CD44: variants seen among roughly 807,000 people sequenced by gnomAD.
The protein encoded by CD44 is CD44 molecule (IN blood group), also known as CD44 antigen.
In CD44, 49 loss-of-function variants were observed where a neutral mutation model predicts 88.8. The observed-to-expected ratio is 0.55, with a 90% CI of 0.44 to 0.70. The LOEUF (loss-of-function observed/expected upper bound fraction) is 0.70. Ranked by LOEUF, CD44 falls within the 30% of genes least tolerant of loss-of-function variation. CD44 has a pLI of 0.00. For missense variants in CD44, 883 were observed against 913.8 expected (o/e 0.97, Z 0.43); for synonymous variants, 325 against 312.3 (o/e 1.04, Z -0.43).
At chr11:35,181,964 T>C (rs1945162346) in intron 3 of CD44, among the ~76,000 whole-genome samples, 1 of 106,242 alleles carries the variant, frequency 9.4e-6, no homozygotes, top group Non-Finnish European at 1.8e-5. Flanking sequence ...AAATTTTATA[T>C]ATATAAATAT....
intron 1 of CD44, among the ~76,000 whole-genome samples, chr11:35,147,131 C>T (rs1411200619): frequency 6.6e-6 from 1 of 152,144 alleles, no homozygotes; most frequent in Non-Finnish European, 1.5e-5. Context: ...TTATTTGTCA[C>T]CTGGATGAAA....
In CD44 at chr11:35,201,745, G is replaced by C. The variant is rs769387767; in HGVS notation, c.1111G>C (p.Glu371Gln). ...AGCACACCCTCCCCTCATTCACCAT[G>C]AGCATCATGAGGAAGAAGAGACCCC... ...PEAHPPLIHH[E>Q]HHEEEETPHS... Residue 371 changes from glutamate to glutamine, a missense_variant, in exon 9 of 18, where the codon GAG becomes CAG. By Grantham distance (29) the Glu-to-Gln change is conservative. Around this residue, in one of 2 missense-constraint regions of CD44, gnomAD observed 631 missense variants for 590.9 expected, o/e 1.07. Coordinates refer to ENST00000428726, the MANE Select transcript of CD44 (RefSeq NM_000610.4). The C allele has an allele frequency of 1.2e-6, 2 of 1,613,714 alleles. No homozygotes were observed. Among genetic ancestry groups the C allele is most frequent in the Non-Finnish European group, 1.7e-6 (2 of 1,179,672 alleles).
intron 9 of CD44, among the ~76,000 whole-genome samples, chr11:35,203,880 T>C (rs1947557597): frequency 6.6e-6 from 1 of 152,230 alleles, no homozygotes; most frequent in African/African-American, 2.4e-5. Flanking sequence ...TGCCTCAAAC[T>C]GGCTTGGATA....
chr11:35,151,759 G>A (rs941164728), intron 1 of CD44, among the ~76,000 whole-genome samples: 4 of 152,212 alleles, frequency 2.6e-5, no homozygotes, highest in Admixed American at 2.0e-4. Context: ...TGTCCAGCTA[G>A]CCATACTATA....
At chr11:35,212,243 G>A (rs985845845) in intron 14 of CD44, among the ~76,000 whole-genome samples, 1 of 152,098 alleles carries the variant, frequency 6.6e-6, no homozygotes, top group African/African-American at 2.4e-5. Context: ...ATAAAAAACA[G>A]ATTCTGTCTT....
At chr11:35,228,419 G>A (rs1228305210) in intron 17 of CD44, among the ~76,000 whole-genome samples, 2 of 152,154 alleles carry the variant, frequency 1.3e-5, no homozygotes, top group East Asian at 3.8e-4. Flanking sequence ...TGACAAGGCC[G>A]ACAAAGTGTT....
At chr11:35,203,543 G>A (rs914292549) in intron 9 of CD44, among the ~76,000 whole-genome samples, 1 of 151,988 alleles carries the variant, frequency 6.6e-6, no homozygotes, top group African/African-American at 2.4e-5. Context: ...ATAATGGCTT[G>A]GCCGATGGAA....
chr11:35,166,663 C>A (rs923887779), intron 1 of CD44, among the ~76,000 whole-genome samples: 2 of 152,246 alleles, frequency 1.3e-5, no homozygotes, highest in African/African-American at 4.8e-5. Context: ...GCAGAGAAAT[C>A]AGGGGGTCCA....
rs756890802 is a variant in CD44 at position 35,176,723 on chromosome 11, C to T, written c.216C>T (p.Ile72=). The change falls in exon 2 of 18, where the codon ATC becomes ATT. Residue 72 remains isoleucine (I), a synonymous_variant. Transcript: ENST00000428726. ...TMAQMEKALS[I]GFETCRYGFI... ...CCCAGATGGAGAAAGCTCTGAGCAT[C>T]GGATTTGAGACCTGCAGGTAAGAGA... 2.5e-6 allele frequency: 4 copies of T among 1,613,882 alleles called. No individual in the cohort carries two copies. Among genetic ancestry groups the T allele is most frequent in the Non-Finnish European group, 2.5e-6 (3 of 1,179,910 alleles).
At chr11:35,190,209 C>T (rs1050330219) in intron 5 of CD44, 144 bp downstream of exon 5, 75 of 690,748 alleles carry the variant, frequency 1.1e-4, no homozygotes, top group Non-Finnish European at 1.8e-4. Flanking sequence ...GAGGTGGGCT[C>T]TTGTGGTTGT....
chr11:35,214,975 C>A, intron 15 of CD44, 61 bp downstream of exon 15: 1 of 1,036,654 alleles, frequency 9.6e-7, no homozygotes, highest in Non-Finnish European at 1.4e-6. Context: ...TGATGACTAC[C>A]AACGAAGTAT....
rs1217823851 is a variant in CD44, at chr11:35,139,178, C to A, written c.-126C>A. ...GCCAACTTCCGAGGCAGCCTCATTG[C>A]CCAGCGGACCCCAGCCTCTGCCAGG... On this transcript the variant is annotated 5_prime_UTR_variant, in exon 1 of 18. Transcript: ENST00000428726. 2.8e-6 allele frequency: 2 copies of A among 711,908 alleles called. No individual in the cohort carries two copies. The highest frequency in any genetic ancestry group is 2.5e-6 in the Non-Finnish European group (1 of 400,816). 44.1% of individuals were successfully genotyped at this position (711,908 alleles called of 1,614,324 possible).
Position 35,139,288 on chromosome 11 carries a change from G to A in CD44, c.-16G>A. ...CCAGCTCCTTTCGCCCGCGCCCTCC[G>A]TTCGCTCCGGACACCATGGACAAGT... On this transcript the variant is annotated 5_prime_UTR_variant, in exon 1 of 18. Coordinates refer to ENST00000428726, the MANE Select transcript of CD44 (RefSeq NM_000610.4). 6.4e-7 allele frequency: 1 copy of A among 1,555,506 alleles called. No individual in the cohort carries two copies. The highest frequency in any genetic ancestry group is 1.2e-5 in the South Asian group (1 of 84,316).
At chr11:35,167,529 A>T (rs11822487) in intron 1 of CD44, among the ~76,000 whole-genome samples, 183 of 152,324 alleles carry the variant, frequency 1.2e-3, no homozygotes, top group African/African-American at 4.2e-3. Context: ...TGTTTTGGAC[A>T]TGAGCTCAGC....
At chr11:35,178,447 T>A (rs1318522911) in intron 2 of CD44, among the ~76,000 whole-genome samples, 1 of 152,216 alleles carries the variant, frequency 6.6e-6, no homozygotes, top group Non-Finnish European at 1.5e-5. Flanking sequence ...ACACACAGCC[T>A]GCCTATGGAG....
intron 14 of CD44, among the ~76,000 whole-genome samples, chr11:35,211,674 ATGTGTG>A (rs57790931): frequency 0.094 from 14,069 of 149,002 alleles, 720 homozygotes; most frequent in African/African-American, 0.12. Flanking sequence ...CTGTGTTTGC[ATGTGTG>A]TGTGTGTGTG....
Position 35,211,307 on chromosome 11 carries a change from A to G in CD44, c.1668A>G (p.Leu556=), listed in dbSNP as rs1464547810. Residue 556 remains leucine (L), a synonymous_variant, in exon 14 of 18, where the codon TTA becomes TTG. Transcript: ENST00000428726. ...ATCATTCTGAAGGCTCAACTACTTT[A>G]CTGGAAGGTTATACCTCTCATTACC... ...DPNHSEGSTT[L]LEGYTSHYPH... 13 of 1,614,016 alleles carry G rather than the reference A, an allele frequency of 8.1e-6. No homozygotes were observed. Among genetic ancestry groups the G allele is most frequent in the Non-Finnish European group, 1.1e-5 (13 of 1,179,914 alleles).
intron 1 of CD44, among the ~76,000 whole-genome samples, chr11:35,142,825 C>T (rs1458607032): frequency 2.6e-5 from 4 of 152,188 alleles, no homozygotes; most frequent in Admixed American, 1.3e-4. Flanking sequence ...GACAGATTCC[C>T]TTCCATTCAT....
At chr11:35,151,949 G>C (rs1334131767) in intron 1 of CD44, among the ~76,000 whole-genome samples, 1 of 152,214 alleles carries the variant, frequency 6.6e-6, no homozygotes, top group Non-Finnish European at 1.5e-5. Flanking sequence ...TCCTGGCAAA[G>C]GGTCCCTTCT....
Sources: gnomAD v4.1 joint callset for allele counts (sites outside exome capture counted in the v4.1 genomes callset) on GRCh38, gnomAD v4.1.1 for gene constraint, gnomAD v4.1.1 regional missense constraint, MANE v1.5 for transcripts, NCBI Gene and HGNC (gene_info 2026-07-23, HGNC 2026-07-21) for gene names.